PCNX2: variants seen among roughly 807,000 people sequenced by gnomAD.
PCNX2 encodes pecanex 2.
PCNX2 carries 168 observed loss-of-function variants against 223.8 expected under a neutral mutation model. The observed-to-expected ratio is 0.75, with a 90% CI of 0.66 to 0.85. PCNX2 has a LOEUF of 0.85. PCNX2 is among the 40% of genes least tolerant of loss of function. The probability of loss-of-function intolerance (pLI) is 0.00; values close to 1 mark genes in which losing one functional copy is unlikely to be tolerated. For missense variants in PCNX2, 2,507 were observed against 2,675.5 expected (o/e 0.94, Z 1.39); for synonymous variants, 1,006 against 1,052.6 (o/e 0.96, Z 0.86).
intron 25 of PCNX2, among the ~76,000 whole-genome samples, chr1:233,035,858 A>G (rs111551491): frequency 1.6e-4 from 25 of 152,296 alleles, no homozygotes; most frequent in African/African-American, 5.3e-4. Context: ...TGTGTGAGAC[A>G]GGGCTCAGCC....
intron 23 of PCNX2, among the ~76,000 whole-genome samples, chr1:233,077,510 C>A (rs562247569): frequency 6.6e-6 from 1 of 152,238 alleles, no homozygotes; most frequent in Non-Finnish European, 1.5e-5. Context: ...CTGCACTACT[C>A]CTAAAATTAG....
At position 233,281,997 on chromosome 1, in the gene PCNX2, C is replaced by CT. The variant is rs1558422708; in HGVS notation, c.153+13328dup. ...CAAACCTCTCTCCAGATAGTGTGCC[C>CT]TTTTTCTGCTCCCTGCTTGAAAGAA... On this transcript the variant is annotated intron_variant, in intron 1 of 33. Coordinates refer to ENST00000258229, the MANE Select transcript of PCNX2 (RefSeq NM_014801.4). Among the ~76,000 whole-genome samples, 6 of 152,260 alleles carry CT rather than the reference C, an allele frequency of 3.9e-5. 1 individual carries two copies. The South Asian group carries it at 1.2e-3, about 32-fold the overall frequency.
chr1:233,006,341 A>C (rs112392006), intron 28 of PCNX2, among the ~76,000 whole-genome samples: 3,468 of 152,254 alleles, frequency 0.023, 143 homozygotes, highest in African/African-American at 0.078. Flanking sequence ...CACCCACTTC[A>C]TATGACATAG....
intron 19 of PCNX2, among the ~76,000 whole-genome samples, chr1:233,154,442 T>G (rs1405375695): frequency 6.6e-6 from 1 of 152,222 alleles, no homozygotes; most frequent in East Asian, 1.9e-4. Flanking sequence ...AAAGTATAGC[T>G]TAAGCTTTTC....
intron 28 of PCNX2, among the ~76,000 whole-genome samples, chr1:233,005,086 G>T (rs1016314946): frequency 6.6e-6 from 1 of 152,102 alleles, no homozygotes; most frequent in Admixed American, 6.6e-5. Flanking sequence ...GCTCTCAAAA[G>T]AAAACATTTG....
the PCNX2 span, among the ~76,000 whole-genome samples, chr1:233,324,541 C>G: frequency 1.3e-5 from 2 of 151,570 alleles, no homozygotes; most frequent in Non-Finnish European, 2.9e-5. Context: ...TGTGCCATAT[C>G]AATGGCACAA....
chr1:233,321,557 C>T, the PCNX2 span, among the ~76,000 whole-genome samples: 405 of 152,310 alleles, frequency 2.7e-3, 2 homozygotes, highest in African/African-American at 9.5e-3. Context: ...CTTGGCCTCC[C>T]AAAGTGCTGG....
chr1:233,196,323 G>A (rs74423823), intron 15 of PCNX2, among the ~76,000 whole-genome samples: 8,333 of 151,480 alleles, frequency 0.055, 696 homozygotes, highest in African/African-American at 0.18. Flanking sequence ...ATGTTTTCTA[G>A]GTAAGACATA....
chr1:233,178,969 C>A (rs1048221232), intron 16 of PCNX2, 97 bp downstream of exon 16: 2 of 1,004,176 alleles, frequency 2.0e-6, no homozygotes, highest in Non-Finnish European at 3.0e-6. Flanking sequence ...TCACAATGGG[C>A]AGTGAATTGC....
At position 233,095,705 on chromosome 1, in the gene PCNX2, G is replaced by A. The variant is rs370146229; in HGVS notation, c.3946+50C>T. ...AGGGGTCAATGAAAAGCTTGCTTCC[G>A]TAAAATGTGAATCTCAGCTGGAGGG... On this transcript the variant is annotated intron_variant, in intron 22 of 33. Transcript: ENST00000258229. 7.7e-5 allele frequency: 113 copies of A among 1,459,012 alleles called. 1 individual carries two copies. The highest frequency in any genetic ancestry group is 6.3e-4 in the South Asian group (52 of 82,708). The allele number at this position is 1,459,012 out of a possible 1,614,324, so 90.4% of individuals were successfully genotyped here. A position where few individuals can be genotyped will look rare whatever the true frequency, so the allele number is the denominator to read the frequency against.
chr1:233,016,928 CT>C lies in PCNX2; in HGVS notation c.4831del (p.Arg1611AspfsTer17). ...CCCACCTCCCTGACCTACCTCTTGTCTTTTCCGTGCACAGTGTTGAATCCAT... is the reference window on the plus strand; with the variant it reads ...CCCACCTCCCTGACCTACCTCTTGTCTTTCCGTGCACAGTGTTGAATCCAT... ...LEWIQHCARK[R>X]QEPSTTLDSD... On this transcript the variant is annotated frameshift_variant, in exon 27 of 34. Transcript: ENST00000258229. LOFTEE classifies it high-confidence loss of function. 6.3e-7 allele frequency: 1 copy of C among 1,597,630 alleles called. No homozygotes were observed. The highest frequency in any genetic ancestry group is 8.6e-7 in the Non-Finnish European group (1 of 1,165,848).
At chr1:232,985,991 T>G in intron 33 of PCNX2, 101 bp downstream of exon 33, 1 of 1,306,358 alleles carries the variant, frequency 7.7e-7, no homozygotes. Flanking sequence ...GATGGGGTTC[T>G]GCAGGCAGAA....
rs193181260 is a variant in PCNX2 at position 233,025,204 on chromosome 1, G to A, written c.4547C>T (p.Ala1516Val). 1.7e-4 allele frequency: 269 copies of A among 1,613,990 alleles called. No homozygotes were observed. The highest frequency in any genetic ancestry group is 3.3e-4 in the Admixed American group (20 of 60,022). ...LEGYSILDNN[A>V]ATMLQVFDLR... ...GTCAAACACCTGCAGCATGGTGGCC[G>A]CGTTGTTGTCCAGGATGCTGTAGCC... The change falls in exon 26 of 34, where the codon GCG (alanine) becomes GTG (valine). Residue 1516 changes from alanine to valine, a missense_variant. Around this residue, in one of 3 missense-constraint regions of PCNX2, gnomAD observed 1,372 missense variants for 1,509.4 expected, o/e 0.91. Coordinates refer to ENST00000258229, the MANE Select transcript of PCNX2 (RefSeq NM_014801.4).
intron 21 of PCNX2, among the ~76,000 whole-genome samples, chr1:233,112,165 A>T (rs1675152197): frequency 6.6e-6 from 1 of 152,262 alleles, no homozygotes; most frequent in African/African-American, 2.4e-5. Context: ...AAAGAATGGG[A>T]AAATCTGTGA....
chr1:233,022,040 C>A (rs1670905242), intron 26 of PCNX2, among the ~76,000 whole-genome samples: 1 of 152,182 alleles, frequency 6.6e-6, no homozygotes, highest in Non-Finnish European at 1.5e-5. Flanking sequence ...ATCTCACTCT[C>A]ATCCCTCCTC....
intron 13 of PCNX2, among the ~76,000 whole-genome samples, chr1:233,200,674 G>A (rs1038584321): frequency 4.0e-5 from 6 of 151,754 alleles, no homozygotes; most frequent in Non-Finnish European, 7.4e-5. Flanking sequence ...ACTTGGACAT[G>A]GGGGAGATGA....
intron 23 of PCNX2, among the ~76,000 whole-genome samples, chr1:233,067,981 T>A (rs1672692750): frequency 6.6e-6 from 1 of 151,876 alleles, no homozygotes. Context: ...AGGAGAGAAG[T>A]TGGAAGTAAA....
At chr1:233,165,635 A>G (rs534719830) in intron 17 of PCNX2, among the ~76,000 whole-genome samples, 62 of 152,338 alleles carry the variant, frequency 4.1e-4, no homozygotes, top group African/African-American at 1.5e-3. Flanking sequence ...AAGTATATTT[A>G]GGGATAAATT....
chr1:233,325,514 A>AAC, the PCNX2 span, among the ~76,000 whole-genome samples: 2 of 150,992 alleles, frequency 1.3e-5, no homozygotes, highest in African/African-American at 4.9e-5. Context: ...AAAAAAAAAA[A>AAC]AACCAAAAAA....
Sources: gnomAD v4.1 joint callset for allele counts (sites outside exome capture counted in the v4.1 genomes callset) on GRCh38, gnomAD v4.1.1 for gene constraint, gnomAD v4.1.1 regional missense constraint, MANE v1.5 for transcripts, NCBI Gene and HGNC (gene_info 2026-07-23, HGNC 2026-07-21) for gene names.